Variants in CHLSN observed in about 807,000 individuals in gnomAD.
CHLSN encodes cholesin.
At chr7:1,125,379 C>G in the CHLSN span, among the ~76,000 whole-genome samples, 1 of 152,240 alleles carries the variant, frequency 6.6e-6, no homozygotes, top group African/African-American at 2.4e-5. Flanking sequence ...CACCCCACAT[C>G]TCACAATGGC....
chr7:1,082,557 C>T, the CHLSN span, among the ~76,000 whole-genome samples: 5 of 152,208 alleles, frequency 3.3e-5, no homozygotes, highest in South Asian at 2.1e-4. Context: ...GCATGGGCCA[C>T]GCACCACACT....
At chr7:1,017,682 G>A in the CHLSN span, among the ~76,000 whole-genome samples, 1 of 152,248 alleles carries the variant, frequency 6.6e-6, no homozygotes, top group East Asian at 1.9e-4. Context: ...TCTCCAGTGG[G>A]ATCACCCCAA....
At chr7:1,005,239 C>A in the CHLSN span, among the ~76,000 whole-genome samples, 2 of 152,120 alleles carry the variant, frequency 1.3e-5, no homozygotes, top group East Asian at 3.9e-4. Context: ...TGCAGTGAGC[C>A]GAGATTGCAC....
At chr7:1,008,827 CAACGT>C in the CHLSN span, among the ~76,000 whole-genome samples, 13 of 44,320 alleles carry the variant, frequency 2.9e-4, no homozygotes, top group Non-Finnish European at 4.6e-4. Context: ...CACATATACA[CAACGT>C]GTATACACAC....
the CHLSN span, chr7:1,092,540 G>C: frequency 6.2e-7 from 1 of 1,609,010 alleles, no homozygotes; most frequent in East Asian, 2.2e-5. Flanking sequence ...TTCTTCGTCT[G>C]CTGGCTGCCG....
At chr7:1,091,507 G>T in the CHLSN span, 2 of 530,178 alleles carry the variant, frequency 3.8e-6, no homozygotes, top group African/African-American at 1.9e-5. Flanking sequence ...CGCCTCCACG[G>T]ATGCACCATG....
chr7:1,061,358 C>T, the CHLSN span, among the ~76,000 whole-genome samples: 2 of 152,082 alleles, frequency 1.3e-5, no homozygotes, highest in South Asian at 2.1e-4. Context: ...CGCAGACCCT[C>T]GCCTGCTACC....
chr7:1,103,605 T>C, the CHLSN span, among the ~76,000 whole-genome samples: 1 of 152,184 alleles, frequency 6.6e-6, no homozygotes, highest in Non-Finnish European at 1.5e-5. Context: ...ACTTCAGAAA[T>C]TCAGACCACG....
At chr7:1,000,504 G>A in the CHLSN span, 88 of 1,608,976 alleles carry the variant, frequency 5.5e-5, 1 homozygote, top group South Asian at 1.6e-4. Context: ...CAGGAGCCAC[G>A]TCTGCCTCGT....
chr7:1,016,466 CACATAGCA>C, the CHLSN span, among the ~76,000 whole-genome samples: 1 of 132,218 alleles, frequency 7.6e-6, no homozygotes. Context: ...CGCACGCCAG[CACATAGCA>C]GCACAGCAGC....
the CHLSN span, among the ~76,000 whole-genome samples, chr7:1,076,537 G>A: frequency 1.3e-5 from 2 of 152,262 alleles, no homozygotes; most frequent in Admixed American, 6.5e-5. Flanking sequence ...AAAGAGGCCC[G>A]AGAGGGTTCC....
the CHLSN span, among the ~76,000 whole-genome samples, chr7:1,042,924 C>T: frequency 6.6e-6 from 1 of 152,110 alleles, no homozygotes; most frequent in East Asian, 1.9e-4. Flanking sequence ...TGCAGTGTGA[C>T]CTGGGCTAAG....
chr7:1,086,229 G>T, the CHLSN span, among the ~76,000 whole-genome samples: 1 of 152,222 alleles, frequency 6.6e-6, no homozygotes, highest in Non-Finnish European at 1.5e-5. Context: ...CACTAGCAGG[G>T]TGCAGCTATT....
At chr7:1,126,079 G>A in the CHLSN span, among the ~76,000 whole-genome samples, 1 of 152,100 alleles carries the variant, frequency 6.6e-6, no homozygotes, top group African/African-American at 2.4e-5. Context: ...TAAAAATGCA[G>A]GGCCTGGAGC....
chr7:987,132 C>G, the CHLSN span: 5 of 1,565,942 alleles, frequency 3.2e-6, 1 homozygote, highest in East Asian at 1.2e-4. Context: ...GGCCTGTTTG[C>G]TGAGGCCAAC....
the CHLSN span, among the ~76,000 whole-genome samples, chr7:1,066,267 G>C: frequency 6.7e-6 from 1 of 149,830 alleles, no homozygotes; most frequent in African/African-American, 2.4e-5. Flanking sequence ...GACAAACGCA[G>C]CAACGGTGCG....
chr7:1,113,222 T>TA, the CHLSN span, among the ~76,000 whole-genome samples: 2 of 151,932 alleles, frequency 1.3e-5, no homozygotes, highest in Admixed American at 6.6e-5. Context: ...TTTTTTTTTT[T>TA]AATTTACTAA....
chr7:1,098,732 G>T, the CHLSN span, among the ~76,000 whole-genome samples: 2 of 152,214 alleles, frequency 1.3e-5, no homozygotes, highest in African/African-American at 4.8e-5. Context: ...GCAGACACGA[G>T]CACAATGTCC....
At chr7:1,062,266 G>A in the CHLSN span, among the ~76,000 whole-genome samples, 1 of 151,356 alleles carries the variant, frequency 6.6e-6, no homozygotes, top group Non-Finnish European at 1.5e-5. Flanking sequence ...GAATTGTGGC[G>A]AAGAGATCAG....
Sources: allele counts gnomAD v4.1 joint callset (sites outside exome capture counted in the v4.1 genomes callset), GRCh38; gene constraint gnomAD v4.1.1; transcripts MANE v1.5; gene names NCBI Gene and HGNC (gene_info 2026-07-23, HGNC 2026-07-21).